Variants in IAH1 observed in about 807,000 individuals in gnomAD.
IAH1 encodes the protein isoamyl acetate-hydrolyzing esterase 1 homolog.
In IAH1, 24 loss-of-function variants were observed where a neutral mutation model predicts 26.7. That is an observed-to-expected ratio of 0.90 (90% CI 0.65 to 1.26). The LOEUF (loss-of-function observed/expected upper bound fraction) is 1.26. Ranked by LOEUF, IAH1 falls within the 50% of genes most tolerant of loss-of-function variation. IAH1 has a pLI of 0.00. For missense variants in IAH1, 300 were observed against 299.9 expected (o/e 1.00, Z 0.00); for synonymous variants, 140 against 118.5 (o/e 1.18, Z -1.18).
At chr2:9,476,499 C>T (rs979452374) in intron 2 of IAH1, among the ~76,000 whole-genome samples, 2 of 152,324 alleles carry the variant, frequency 1.3e-5, no homozygotes, top group South Asian at 4.1e-4. Flanking sequence ...GGCGCGTCCA[C>T]GTGAAGAGAC....
downstream of IAH1, chr2:9,491,078 T>C (rs1662101936): frequency 6.2e-7 from 1 of 1,606,728 alleles, no homozygotes; most frequent in Non-Finnish European, 8.5e-7. Context: ...GAAGATTATG[T>C]TTCTTTCATA....
rs564494855 is a variant in IAH1, at chr2:9,475,660, C to G, written c.82-327C>G. ...GGATTATAGACGTGCGCCACCACAC[C>G]GGGCTAATTTTTGTAATTTTAGTAG... On this transcript the variant is annotated intron_variant, in intron 1 of 5. Transcript: ENST00000497473. 58 of 345,222 alleles carry G rather than the reference C, an allele frequency of 1.7e-4. 1 individual carries two copies. In the South Asian group the frequency reaches 1.7e-3, roughly 10 times the overall value. 21.4% of individuals were successfully genotyped at this position (345,222 alleles called of 1,614,324 possible). A position where few individuals can be genotyped will look rare whatever the true frequency, so the allele number is the denominator to read the frequency against.
chr2:9,511,960 G>C, the IAH1 span, among the ~76,000 whole-genome samples: 39 of 151,718 alleles, frequency 2.6e-4, no homozygotes, highest in African/African-American at 8.7e-4. Context: ...AAAAGAGTGA[G>C]AGTCTGTCTT....
At chr2:9,474,118 G>T (rs1475031180), upstream of IAH1, among the ~76,000 whole-genome samples, 1 of 152,166 alleles carries the variant, frequency 6.6e-6, no homozygotes, top group South Asian at 2.1e-4. The surrounding 1 kb of genome is among the most constrained non-coding windows in gnomAD (Gnocchi z 4.3). Flanking sequence ...GTCCTCGTGG[G>T]TGTTACAGGC....
Position 9,474,802 on chromosome 2 carries a change from C to T in IAH1, c.81+155C>T, listed in dbSNP as rs1177318330. 2.3e-5 allele frequency: 13 copies of T among 572,084 alleles called. No individual in the cohort carries two copies. The African/African-American group carries it at 2.6e-4, about 11-fold the overall frequency. 35.4% of individuals were successfully genotyped at this position (572,084 alleles called of 1,614,324 possible). A position where few individuals can be genotyped will look rare whatever the true frequency, so the allele number is the denominator to read the frequency against. On this transcript the variant is annotated intron_variant, in intron 1 of 5. Transcript: ENST00000497473. This position sits in a 1 kb window ranked among gnomAD's most constrained non-coding sequence, Gnocchi z 4.3. ...GAGACACCGGAGGAGTGGCGGGTCC[C>T]CCAGTGGCTGCGCCTTCCGGGCCCG...
downstream of IAH1, among the ~76,000 whole-genome samples, chr2:9,500,989 T>A (rs893354589): frequency 1.3e-5 from 2 of 152,148 alleles, no homozygotes; most frequent in Non-Finnish European, 2.9e-5. Context: ...GTTTAAAAAA[T>A]ACACACACAC....
At chr2:9,477,678 T>TTC (rs1553351220) in intron 2 of IAH1, among the ~76,000 whole-genome samples, 3 of 150,204 alleles carry the variant, frequency 2.0e-5, no homozygotes, top group African/African-American at 7.3e-5. Context: ...TTTTTTTTTT[T>TTC]CCCCCATTAC....
In IAH1 at chr2:9,478,398, C is replaced by A. The variant is rs182210839; in HGVS notation, c.283+28C>A. On this transcript the variant is annotated intron_variant, in intron 3 of 5. Coordinates refer to ENST00000497473, the MANE Select transcript of IAH1 (RefSeq NM_001039613.3). Reference sequence around the variant, plus strand: ...AAAAGCATTTTTGATGTTCTTCTAGCTCACTTTTAATCATTTTTATGTTAC... The same window carrying A: ...AAAAGCATTTTTGATGTTCTTCTAGATCACTTTTAATCATTTTTATGTTAC... 2.6e-6 allele frequency: 4 copies of A among 1,556,844 alleles called. No homozygotes were observed. The East Asian group carries it at 9.2e-5, about 36-fold the overall frequency.
downstream of IAH1, chr2:9,494,530 G>A: frequency 2.3e-6 from 3 of 1,307,952 alleles, no homozygotes; most frequent in Admixed American, 2.0e-5. Flanking sequence ...CCAGAAGGAT[G>A]TAGCCCCACT....
chr2:9,496,933 T>C (rs904090681), downstream of IAH1, among the ~76,000 whole-genome samples: 5 of 152,178 alleles, frequency 3.3e-5, no homozygotes, highest in African/African-American at 9.7e-5. Context: ...CTCCCAGGTA[T>C]GGTGGATCTG....
chr2:9,486,273 C>T (rs1661472568), intron 5 of IAH1: 1 of 152,160 alleles, frequency 6.6e-6, no homozygotes, highest in Non-Finnish European at 1.5e-5. Flanking sequence ...CCCTGGAGTA[C>T]TGGAACCTTC....
chr2:9,478,132 C>T, intron 2 of IAH1, 90 bp from the exon 3 acceptor site: 1 of 1,192,512 alleles, frequency 8.4e-7, no homozygotes, highest in South Asian at 1.6e-5. Context: ...GGTTTAGAAT[C>T]CCAGAGAGCA....
chr2:9,483,306 T>C (rs1355272801), intron 4 of IAH1, among the ~76,000 whole-genome samples: 1 of 152,112 alleles, frequency 6.6e-6, no homozygotes, highest in African/African-American at 2.4e-5. Flanking sequence ...GGGCAGTGGA[T>C]TACTCATAGC....
intron 4 of IAH1, among the ~76,000 whole-genome samples, chr2:9,483,599 C>G (rs979810649): frequency 2.6e-5 from 4 of 152,090 alleles, no homozygotes; most frequent in Admixed American, 2.6e-4. Context: ...TCTTTAATAC[C>G]ATTCTGTAGT....
chr2:9,492,917 C>A, downstream of IAH1: 4 of 1,612,394 alleles, frequency 2.5e-6, no homozygotes, highest in Non-Finnish European at 3.4e-6. Flanking sequence ...GACAAGAATG[C>A]TGAAAGGAAT....
rs562067359 is a variant in IAH1 at position 9,481,165 on chromosome 2, T to C, written c.284-121T>C. The C allele has an allele frequency of 6.8e-4, 695 of 1,025,272 alleles. 5 individuals carry two copies. The highest frequency in any genetic ancestry group is 6.5e-5 in the Non-Finnish European group (45 of 690,508). The allele number at this position is 1,025,272 out of a possible 1,614,324, so 63.5% of individuals were successfully genotyped here. Reference sequence around the variant, plus strand: ...GGAGAAAACCTTCTCTTTGTGTCCTTGGTGTTAAACAATCCCCCCAGTGAC... The same window carrying C: ...GGAGAAAACCTTCTCTTTGTGTCCTCGGTGTTAAACAATCCCCCCAGTGAC... On this transcript the variant is annotated intron_variant, in intron 3 of 5. Transcript: ENST00000497473.
chr2:9,505,173 G>A, the IAH1 span: 11 of 1,614,080 alleles, frequency 6.8e-6, no homozygotes, highest in Non-Finnish European at 9.3e-6. Context: ...CACCTGCACT[G>A]GACACCTTCC....
At chr2:9,483,642 C>T (rs1468637626) in intron 4 of IAH1, among the ~76,000 whole-genome samples, 1 of 152,110 alleles carries the variant, frequency 6.6e-6, no homozygotes, top group Non-Finnish European at 1.5e-5. Flanking sequence ...GTCCTGTTTG[C>T]AGCCTCCTGA....
the IAH1 span, chr2:9,510,224 A>C: frequency 3.8e-5 from 51 of 1,355,088 alleles, no homozygotes; most frequent in Non-Finnish European, 5.2e-5. Context: ...ATAGAGCCTT[A>C]TAATCAGATC....
Sources: gnomAD v4.1 joint callset for allele counts (sites outside exome capture counted in the v4.1 genomes callset) on GRCh38, gnomAD v4.1.1 for gene constraint, Gnocchi (gnomAD v3.1) non-coding constraint, MANE v1.5 for transcripts, NCBI Gene and HGNC (gene_info 2026-07-23, HGNC 2026-07-21) for gene names.